The following PCCA variants were observed in gnomAD, a reference collection of about 807,000 sequenced individuals.
PCCA encodes propionyl-CoA carboxylase subunit alpha, also known as propionyl-CoA carboxylase alpha chain, mitochondrial.
PCCA carries 74 observed loss-of-function variants against 101.3 expected under a neutral mutation model. That is an observed-to-expected ratio of 0.73 (90% CI 0.61 to 0.89). The LOEUF is 0.89. Ranked by LOEUF, PCCA falls within the 40% of genes least tolerant of loss-of-function variation. The pLI is 0.00. For missense variants in PCCA, 891 were observed against 907.0 expected, an observed-to-expected ratio of 0.98 and a Z score of 0.23; for synonymous variants, 294 against 313.6, an observed-to-expected ratio of 0.94 and a Z score of 0.66.
At chr13:100,284,558 C>T (rs2064433156) in intron 12 of PCCA, among the ~76,000 whole-genome samples, 1 of 152,216 alleles carries the variant, frequency 6.6e-6, no homozygotes, top group African/African-American at 2.4e-5. Context: ...CCCTGCAACA[C>T]CCCAATTCTA....
chr13:100,154,192 A>G (rs748502204), intron 4 of PCCA, among the ~76,000 whole-genome samples: 26 of 152,234 alleles, frequency 1.7e-4, no homozygotes, highest in Non-Finnish European at 3.5e-4. Flanking sequence ...TTAAAAAGAT[A>G]GTAATCCTTT....
chr13:100,438,754 A>G (rs1444929964), intron 20 of PCCA, among the ~76,000 whole-genome samples: 1 of 151,406 alleles, frequency 6.6e-6, no homozygotes, highest in Admixed American at 6.6e-5. Flanking sequence ...CTTTACCAAC[A>G]AATTGAGTTT....
At chr13:100,099,139 A>G (rs527576314) in intron 1 of PCCA, among the ~76,000 whole-genome samples, 39 of 152,210 alleles carry the variant, frequency 2.6e-4, no homozygotes, top group Non-Finnish European at 1.2e-4. Context: ...TTTATCTCAT[A>G]ATGAGTTATT....
At chr13:100,098,965 C>A (rs941686320) in intron 1 of PCCA, among the ~76,000 whole-genome samples, 1 of 152,026 alleles carries the variant, frequency 6.6e-6, no homozygotes, top group African/African-American at 2.4e-5. Flanking sequence ...GATGAAATAC[C>A]GTGTCATAAT....
In PCCA at chr13:100,365,737, C is replaced by T. The variant is rs762218832; in HGVS notation, c.1644-2735C>T. On this transcript the variant is annotated intron_variant, in intron 18 of 23. Coordinates refer to ENST00000376285, the MANE Select transcript of PCCA (RefSeq NM_000282.4). ...GAAAGTAAGAATATAGGCCGAGAGC[C>T]GGGACAACTACTCATAATAAAAGCT... is the stretch of plus-strand genomic sequence containing the variant. Among the ~76,000 whole-genome samples the T allele has an allele frequency of 1.1e-4, 16 of 152,230 alleles. 1 individual carries two copies. Among genetic ancestry groups the T allele is most frequent in the Middle Eastern group, 3.4e-3 (1 of 294 alleles).
chr13:100,343,840 C>T (rs1053964297), intron 18 of PCCA, among the ~76,000 whole-genome samples: 8 of 152,214 alleles, frequency 5.3e-5, no homozygotes, highest in Non-Finnish European at 5.9e-5. Flanking sequence ...TTTGGGAGGC[C>T]AAGGCGGACT....
At chr13:100,193,146 A>G (rs1434796346) in intron 6 of PCCA, among the ~76,000 whole-genome samples, 1 of 152,176 alleles carries the variant, frequency 6.6e-6, no homozygotes, top group Admixed American at 6.5e-5. Flanking sequence ...CCTGTTTACA[A>G]GCAGGTGAGA....
At chr13:100,440,521 A>C (rs1333229075) in intron 20 of PCCA, among the ~76,000 whole-genome samples, 1 of 151,872 alleles carries the variant, frequency 6.6e-6, no homozygotes, top group Admixed American at 6.6e-5. Flanking sequence ...TTTTAATCCT[A>C]ATAACTGTTT....
intron 12 of PCCA, among the ~76,000 whole-genome samples, chr13:100,298,120 G>T (rs76170820): frequency 0.017 from 2,599 of 152,162 alleles, 92 homozygotes; most frequent in African/African-American, 0.059. Context: ...GCACATTGCT[G>T]TTGGGTAGGA....
chr13:100,393,341 G>A (rs1183872989), intron 19 of PCCA, among the ~76,000 whole-genome samples: 9 of 151,736 alleles, frequency 5.9e-5, no homozygotes, highest in Admixed American at 5.9e-4. Flanking sequence ...GCTGTTAAAT[G>A]GAGTATTTTT....
intron 4 of PCCA, among the ~76,000 whole-genome samples, chr13:100,145,316 T>A (rs2052399123): frequency 6.6e-6 from 1 of 152,146 alleles, no homozygotes; most frequent in Non-Finnish European, 1.5e-5. Flanking sequence ...CTAGAGGGTT[T>A]TTAGCAGCAT....
At chr13:100,458,380 A>G (rs868289470) in intron 21 of PCCA, among the ~76,000 whole-genome samples, 4 of 139,092 alleles carry the variant, frequency 2.9e-5, no homozygotes, top group Non-Finnish European at 4.6e-5. Flanking sequence ...ACACACACAC[A>G]CACACACGCA....
intron 6 of PCCA, among the ~76,000 whole-genome samples, chr13:100,203,145 G>A (rs541888983): frequency 5.3e-5 from 8 of 151,636 alleles, no homozygotes; most frequent in East Asian, 3.9e-4. Flanking sequence ...GTGGTGGTGC[G>A]CGTCTGTAGT....
intron 21 of PCCA, among the ~76,000 whole-genome samples, chr13:100,455,053 A>C (rs1195022946): frequency 6.6e-6 from 1 of 152,176 alleles, no homozygotes; most frequent in East Asian, 1.9e-4. Context: ...ACTCATGCCT[A>C]TAAAGCCAGC....
chr13:100,321,545 G>A (rs868437972), intron 16 of PCCA, among the ~76,000 whole-genome samples: 1 of 148,442 alleles, frequency 6.7e-6, no homozygotes, highest in African/African-American at 2.5e-5. Context: ...CACAGAACAA[G>A]CATGAAATAG....
chr13:100,247,340 C>T (rs1566789741), intron 8 of PCCA, among the ~76,000 whole-genome samples: 1 of 151,490 alleles, frequency 6.6e-6, no homozygotes, highest in Non-Finnish European at 1.5e-5. Flanking sequence ...CCTCAGCCTC[C>T]CAAGTAGTTG....
In PCCA at chr13:100,469,816, G is replaced by C. The variant is rs563933763; in HGVS notation, c.1899+20511G>C. ...AACAAAACAAAACAAAACAAAAAAA[G>C]TTTGATGGCGTGTGAGTTTACTGGT... On this transcript the variant is annotated intron_variant, in intron 21 of 23. Transcript: ENST00000376285. 2.0e-5 allele frequency among the ~76,000 whole-genome samples: 3 copies of C among 152,112 alleles called. No individual in the cohort carries two copies. In the East Asian group the frequency reaches 5.8e-4, roughly 29 times the overall value.
At chr13:100,422,335 A>T (rs140064223) in intron 19 of PCCA, among the ~76,000 whole-genome samples, 2,476 of 151,698 alleles carry the variant, frequency 0.016, 74 homozygotes, top group African/African-American at 0.056. Flanking sequence ...ATGGGGTCTC[A>T]CTTTGTTGCC....
intron 19 of PCCA, among the ~76,000 whole-genome samples, chr13:100,409,713 C>A (rs1234806829): frequency 1.3e-5 from 2 of 152,200 alleles, no homozygotes; most frequent in Admixed American, 1.3e-4. Context: ...ACAGGGACAA[C>A]TGTCCAAACT....
Sources: allele counts gnomAD v4.1 joint callset (sites outside exome capture counted in the v4.1 genomes callset), GRCh38; gene constraint gnomAD v4.1.1; transcripts MANE v1.5; gene names NCBI Gene and HGNC (gene_info 2026-07-23, HGNC 2026-07-21).